The following AFF3 variants were observed in gnomAD, a reference collection of about 807,000 sequenced individuals.
AFF3 encodes ALF transcription elongation factor 3.
Under a neutral mutation model 129.7 loss-of-function variants are expected in AFF3, and 32 were observed. That is an observed-to-expected ratio of 0.25 (90% CI 0.19 to 0.33). AFF3 has a LOEUF of 0.33. Ranked by LOEUF, AFF3 falls within the 10% of genes least tolerant of loss-of-function variation. The probability of loss-of-function intolerance (pLI) is 1.00; values close to 1 mark genes in which losing one functional copy is unlikely to be tolerated. For missense variants in AFF3, 1,373 were observed against 1,592.0 expected, an observed-to-expected ratio of 0.86 and a Z score of 2.34; for synonymous variants, 644 against 635.4, an observed-to-expected ratio of 1.01 and a Z score of -0.20.
chr2:99,781,851 A>C (rs994146177), intron 8 of AFF3, among the ~76,000 whole-genome samples: 2 of 152,246 alleles, frequency 1.3e-5, no homozygotes, highest in African/African-American at 2.4e-5. Context: ...AAGTATAGCA[A>C]AATATTAGAA....
At chr2:99,998,610 G>A (rs144359627) in intron 7 of AFF3, among the ~76,000 whole-genome samples, 123 of 152,264 alleles carry the variant, frequency 8.1e-4, no homozygotes, top group Admixed American at 3.8e-3. Context: ...GGGGTCAACC[G>A]TTTAGTGTGT....
At chr2:99,958,884 A>G (rs1676931744) in intron 7 of AFF3, among the ~76,000 whole-genome samples, 1 of 152,052 alleles carries the variant, frequency 6.6e-6, no homozygotes, top group Non-Finnish European at 1.5e-5. Flanking sequence ...AGGTTGAGGC[A>G]GGAGGATCAT....
chr2:99,978,402 T>C (rs1013305602), intron 7 of AFF3, among the ~76,000 whole-genome samples: 1 of 152,180 alleles, frequency 6.6e-6, no homozygotes, highest in Non-Finnish European at 1.5e-5. Context: ...GCCTAAATTA[T>C]TTATTGGTCA....
chr2:99,867,024 A>G (rs1172081711), intron 7 of AFF3, among the ~76,000 whole-genome samples: 1 of 148,974 alleles, frequency 6.7e-6, no homozygotes, highest in East Asian at 1.9e-4. Flanking sequence ...AATAAAAATA[A>G]AAAATAAAAA....
chr2:99,668,398 CTGA>C (rs957163502), intron 12 of AFF3, among the ~76,000 whole-genome samples: 1 of 151,984 alleles, frequency 6.6e-6, no homozygotes, highest in African/African-American at 2.4e-5. Context: ...TCTCGAACTC[CTGA>C]CCTCATGATC....
intron 7 of AFF3, among the ~76,000 whole-genome samples, chr2:99,975,868 GAA>G (rs5832890): frequency 6.7e-5 from 5 of 74,610 alleles, no homozygotes; most frequent in Non-Finnish European, 1.2e-4. Flanking sequence ...AGATTAAAAT[GAA>G]AAAAAAAAAA....
At chr2:99,890,815 C>T (rs189030226) in intron 7 of AFF3, among the ~76,000 whole-genome samples, 17 of 152,292 alleles carry the variant, frequency 1.1e-4, no homozygotes, top group African/African-American at 3.6e-4. Flanking sequence ...ACACCACCAC[C>T]GGGACCTGCA....
intron 4 of AFF3, among the ~76,000 whole-genome samples, chr2:100,018,030 G>GTATATA (rs144397984): frequency 1.9e-4 from 25 of 132,780 alleles, no homozygotes; most frequent in African/African-American, 6.5e-4. Flanking sequence ...GTGTGTGTGT[G>GTATATA]TGTATATATA....
At chr2:99,648,077 A>G (rs1225700963) in intron 13 of AFF3, among the ~76,000 whole-genome samples, 1 of 152,220 alleles carries the variant, frequency 6.6e-6, no homozygotes, top group Non-Finnish European at 1.5e-5. Flanking sequence ...TTCCTAAAAT[A>G]GGTTTTGATT....
chr2:99,637,555 CTTCACA>C (rs1258772738), intron 13 of AFF3, among the ~76,000 whole-genome samples: 1 of 152,172 alleles, frequency 6.6e-6, no homozygotes, highest in East Asian at 1.9e-4. Flanking sequence ...CCAGGTGTAC[CTTCACA>C]TGGCATCAGT....
chr2:99,941,902 T>C (rs1305174560), intron 7 of AFF3, among the ~76,000 whole-genome samples: 4 of 152,212 alleles, frequency 2.6e-5, no homozygotes, highest in Admixed American at 6.5e-5. Flanking sequence ...TACTTCATGG[T>C]ATGTGAAAGA....
At chr2:99,662,883 C>T (rs746038925) in intron 12 of AFF3, among the ~76,000 whole-genome samples, 26 of 152,178 alleles carry the variant, frequency 1.7e-4, no homozygotes, top group Admixed American at 5.9e-4. Context: ...ACCCTGGCCA[C>T]AAATCCCAGA....
intron 13 of AFF3, among the ~76,000 whole-genome samples, chr2:99,606,645 C>T (rs962580800): frequency 1.7e-4 from 26 of 152,064 alleles, no homozygotes; most frequent in Admixed American, 5.2e-4. Flanking sequence ...AGGACGGGCG[C>T]GGTGGCTCAC....
At chr2:100,095,741 G>A (rs1690229210) in intron 4 of AFF3, among the ~76,000 whole-genome samples, 1 of 152,206 alleles carries the variant, frequency 6.6e-6, no homozygotes, top group African/African-American at 2.4e-5. Context: ...CTTCCTGTCA[G>A]TATCACAGAA....
At chr2:99,818,946 A>C (rs1687445218) in intron 8 of AFF3, among the ~76,000 whole-genome samples, 1 of 152,350 alleles carries the variant, frequency 6.6e-6, no homozygotes, top group South Asian at 2.1e-4. Context: ...TCAACTAAGA[A>C]GGCAAAGACA....
rs182337929 is a variant in AFF3 at position 99,711,304 on chromosome 2, C to A, written c.1091+15773G>T. 6.9e-4 allele frequency among the ~76,000 whole-genome samples: 105 copies of A among 152,264 alleles called. 2 individuals are homozygous for A. Among genetic ancestry groups the A allele is most frequent in the East Asian group, 3.5e-3 (18 of 5,174 alleles). The stretch of plus-strand genomic sequence containing the variant: ...CATGACTGCAAACCCCTCCAGGAGC[C>A]AACTCACTTCTCTGAGACCTCGTTT... On this transcript the variant is annotated intron_variant, in intron 11 of 24. Transcript: ENST00000672756.
intron 4 of AFF3, among the ~76,000 whole-genome samples, chr2:100,082,466 C>T (rs1399772145): frequency 6.6e-6 from 1 of 152,026 alleles, no homozygotes; most frequent in Non-Finnish European, 1.5e-5. Context: ...AATGTCCCAA[C>T]ATGGACTGTC....
intron 13 of AFF3, among the ~76,000 whole-genome samples, chr2:99,647,204 C>T (rs746911407): frequency 1.6e-4 from 25 of 152,148 alleles, no homozygotes; most frequent in Non-Finnish European, 2.8e-4. Flanking sequence ...TGCACGTGTA[C>T]GTTCACTGCA....
At chr2:100,040,298 T>C (rs986415116) in intron 4 of AFF3, among the ~76,000 whole-genome samples, 1 of 152,166 alleles carries the variant, frequency 6.6e-6, no homozygotes, top group Admixed American at 6.5e-5. Context: ...TGAGTCCCTA[T>C]ACAGTGTTCC....
Sources: gnomAD v4.1 joint callset for allele counts (sites outside exome capture counted in the v4.1 genomes callset) on GRCh38, gnomAD v4.1.1 for gene constraint, MANE v1.5 for transcripts, NCBI Gene and HGNC (gene_info 2026-07-23, HGNC 2026-07-21) for gene names.